SHROOM2: variants seen among roughly 807,000 people sequenced by gnomAD.
SHROOM2 encodes shroom family member 2.
In SHROOM2, 33 loss-of-function variants were observed where a neutral mutation model predicts 75.9. That is an observed-to-expected ratio of 0.43 (90% CI 0.33 to 0.58). The LOEUF is 0.58. Ranked by LOEUF, SHROOM2 falls within the 20% of genes least tolerant of loss-of-function variation. SHROOM2 has a pLI of 0.04. For missense variants in SHROOM2, 1,434 were observed against 1,461.2 expected (o/e 0.98, Z 0.30); for synonymous variants, 655 against 663.6 (o/e 0.99, Z 0.20).
rs1278665928 is a variant in SHROOM2 at position 9,891,014 on chromosome X, G to A, written c.355G>A (p.Ala119Thr). ...GGGCTGGAGGCCTCACTCCTGGCAT[G>A]CCACCAAGTTCTCTGACAGCCACCC... ...ELGWRPHSWH[A>T]TKFSDSHPEL... Residue 119 changes from alanine to threonine, a missense_variant, in exon 3 of 10, where the codon GCC becomes ACC. Ala to Thr is a moderately conservative substitution (Grantham distance 58, BLOSUM62 0). Around this residue, in one of 3 missense-constraint regions of SHROOM2, gnomAD observed 1,340 missense variants for 1,338.3 expected, o/e 1.00. Coordinates refer to ENST00000380913, the MANE Select transcript of SHROOM2 (RefSeq NM_001649.4). The A allele has an allele frequency of 1.7e-6, 2 of 1,205,729 alleles. No homozygotes were observed. Among genetic ancestry groups the A allele is most frequent in the East Asian group, 3.0e-5 (1 of 33,532 alleles).
At chrX:9,945,610 TG>T (rs924198662) in intron 9 of SHROOM2, among the ~76,000 whole-genome samples, 1 of 112,134 alleles carries the variant, frequency 8.9e-6, no homozygotes, top group Non-Finnish European at 1.9e-5. Context: ...TCTTTTACCA[TG>T]TATAAGTCCG....
intron 5 of SHROOM2, among the ~76,000 whole-genome samples, chrX:9,926,473 C>T (rs1019367908): frequency 4.5e-5 from 5 of 111,734 alleles, no homozygotes; most frequent in Admixed American, 1.9e-4. Flanking sequence ...TGGCGCCTCA[C>T]AGCTGAGGCG....
At chrX:9,900,979 C>T (rs1373715887) in intron 5 of SHROOM2, among the ~76,000 whole-genome samples, 3 of 110,582 alleles carry the variant, frequency 2.7e-5, no homozygotes, top group Non-Finnish European at 3.8e-5. Context: ...GGTCTGTTTC[C>T]TAGTGTGGCC....
At chrX:9,906,794 A>T (rs1447854156) in intron 5 of SHROOM2, among the ~76,000 whole-genome samples, 1 of 112,930 alleles carries the variant, frequency 8.9e-6, no homozygotes, top group Non-Finnish European at 1.9e-5. Flanking sequence ...CTCAAAAAAA[A>T]TTAAAATAAA....
intron 1 of SHROOM2, among the ~76,000 whole-genome samples, chrX:9,821,443 A>G (rs1411903064): frequency 9.0e-6 from 1 of 110,920 alleles, no homozygotes; most frequent in Non-Finnish European, 1.9e-5. Flanking sequence ...AGGAGGGGGT[A>G]AATGTGGAAA....
intron 5 of SHROOM2, among the ~76,000 whole-genome samples, chrX:9,929,515 G>A (rs187033611): frequency 1.2e-4 from 13 of 111,295 alleles, no homozygotes; most frequent in East Asian, 1.1e-3. Context: ...CCAGCCTGCC[G>A]TCCACTTTCT....
intron 1 of SHROOM2, among the ~76,000 whole-genome samples, chrX:9,808,770 G>C (rs758024062): frequency 9.1e-6 from 1 of 110,337 alleles, no homozygotes; most frequent in Non-Finnish European, 1.9e-5. Flanking sequence ...GCTGAGGCAA[G>C]AGAATCGCTT....
chrX:9,920,396 C>T (rs1282588936), intron 5 of SHROOM2, among the ~76,000 whole-genome samples: 1 of 112,401 alleles, frequency 8.9e-6, no homozygotes, highest in Non-Finnish European at 1.9e-5. Context: ...ATTTGTGGCT[C>T]AGAAGAGCAT....
chrX:9,901,925 G>A (rs755777984), intron 5 of SHROOM2, among the ~76,000 whole-genome samples: 48 of 109,555 alleles, frequency 4.4e-4, no homozygotes, highest in Non-Finnish European at 4.0e-4. Context: ...TGGAGGGACT[G>A]GTGGATGGAC....
At chrX:9,807,650 C>CA (rs1304444638) in intron 1 of SHROOM2, among the ~76,000 whole-genome samples, 2 of 112,354 alleles carry the variant, frequency 1.8e-5, no homozygotes, top group East Asian at 5.6e-4. Context: ...CATGCCCCAA[C>CA]AAAAAAGTAA....
At chrX:9,831,069 A>C (rs924896783) in intron 1 of SHROOM2, among the ~76,000 whole-genome samples, 1 of 111,961 alleles carries the variant, frequency 8.9e-6, no homozygotes, top group Non-Finnish European at 1.9e-5. Flanking sequence ...TACACACAGG[A>C]GAGTGGGGAG....
intron 1 of SHROOM2, chrX:9,818,116 TTAGTGTA>T (rs893258706): frequency 7.5e-5 from 9 of 119,630 alleles, no homozygotes; most frequent in African/African-American, 2.9e-4. Flanking sequence ...TAATGGATTT[TTAGTGTA>T]TAGTGTAGCT....
chrX:9,786,465 C>T lies in SHROOM2; in HGVS notation c.-81C>T, dbSNP rs2083613514. 2 of 746,731 alleles carry T rather than the reference C, an allele frequency of 2.7e-6. No individual in the cohort carries two copies. Among genetic ancestry groups the T allele is most frequent in the Non-Finnish European group, 3.3e-6 (2 of 607,207 alleles). 61.5% of individuals were successfully genotyped at this position (746,731 alleles called of 1,213,427 possible). On this transcript the variant is annotated 5_prime_UTR_variant, in exon 1 of 10. Coordinates refer to ENST00000380913, the MANE Select transcript of SHROOM2 (RefSeq NM_001649.4). Reference sequence around the variant, plus strand: ...AAGTTACGGCGCAAGTTCTGCGGCGCTCGGAGCCTCCCTTGCGATCCCACG... The same window carrying T: ...AAGTTACGGCGCAAGTTCTGCGGCGTTCGGAGCCTCCCTTGCGATCCCACG...
intron 1 of SHROOM2, among the ~76,000 whole-genome samples, chrX:9,789,683 G>C (rs1423761464): frequency 9.0e-6 from 1 of 111,231 alleles, no homozygotes; most frequent in Non-Finnish European, 1.9e-5. Context: ...ATGAGGAAGC[G>C]TTAAATACAC....
At chrX:9,803,937 C>G (rs186402257) in intron 1 of SHROOM2, among the ~76,000 whole-genome samples, 47 of 111,283 alleles carry the variant, frequency 4.2e-4, no homozygotes, top group African/African-American at 1.5e-3. Flanking sequence ...CAACCAGTCT[C>G]GATAACAAAT....
chrX:9,856,672 C>A (rs747360215), intron 1 of SHROOM2, among the ~76,000 whole-genome samples: 1 of 111,796 alleles, frequency 8.9e-6, no homozygotes, highest in East Asian at 2.8e-4. Context: ...CGCCGGGGCA[C>A]CCCTACTTCT....
rs747166887 is a variant in SHROOM2 at position 9,843,443 on chromosome X, C to T, written c.166-30209C>T. On this transcript the variant is annotated intron_variant, in intron 1 of 9. Coordinates refer to ENST00000380913, the MANE Select transcript of SHROOM2 (RefSeq NM_001649.4). The stretch of plus-strand genomic sequence containing the variant: ...AGACAAGGCCTCTCTCTGTTTCCCA[C>T]GCTGGAGTGCAGTGGCGTGATCATA... 4.6e-5 allele frequency among the ~76,000 whole-genome samples: 5 copies of T among 109,251 alleles called. No homozygotes were observed. In the East Asian group the frequency reaches 8.6e-4, roughly 19 times the overall value. The allele number at this position is 109,251 out of a possible 115,157, so 94.9% of individuals were successfully genotyped here. A position where few individuals can be genotyped will look rare whatever the true frequency, so the allele number is the denominator to read the frequency against.
At chrX:9,845,519 AC>A (rs933160224) in intron 1 of SHROOM2, among the ~76,000 whole-genome samples, 1 of 99,172 alleles carries the variant, frequency 1.0e-5, no homozygotes, top group Non-Finnish European at 2.0e-5. Context: ...CTTGTCACCC[AC>A]CCCCACCCAC....
rs184506019 is a variant in SHROOM2 at position 9,809,138 on chromosome X, T to G, written c.165+22428T>G. 1.3e-3 allele frequency among the ~76,000 whole-genome samples: 131 copies of G among 101,829 alleles called. 2 individuals are homozygous for G. The East Asian group carries it at 0.032, about 25-fold the overall frequency. 88.4% of individuals were successfully genotyped at this position (101,829 alleles called of 115,157 possible). A position where few individuals can be genotyped will look rare whatever the true frequency, so the allele number is the denominator to read the frequency against. ...AGAGACAGAACTAATAGGAAATATA[T>G]ATGAAGAGGAGTTTATTAAGTATTA... On this transcript the variant is annotated intron_variant, in intron 1 of 9. Transcript: ENST00000380913.
Sources: gnomAD v4.1 joint callset for allele counts (sites outside exome capture counted in the v4.1 genomes callset) on GRCh38, gnomAD v4.1.1 for gene constraint, gnomAD v4.1.1 regional missense constraint, MANE v1.5 for transcripts, NCBI Gene and HGNC (gene_info 2026-07-23, HGNC 2026-07-21) for gene names.